The following RPS6KA2 variants were observed in gnomAD, a reference collection of about 807,000 sequenced individuals.
RPS6KA2 encodes the protein ribosomal protein S6 kinase alpha-2.
A neutral mutation model predicts 91.8 loss-of-function variants in RPS6KA2; 42 were observed. The ratio of observed to expected loss-of-function variants is 0.46; its 90% CI spans 0.36 to 0.59. The LOEUF is 0.59. Ranked by LOEUF, RPS6KA2 falls within the 20% of genes least tolerant of loss-of-function variation. RPS6KA2 has a pLI of 0.00. For missense variants in RPS6KA2, 798 were observed against 978.5 expected, an observed-to-expected ratio of 0.82 and a Z score of 2.46; for synonymous variants, 414 against 393.6, an observed-to-expected ratio of 1.05 and a Z score of -0.61.
At chr6:166,625,508 G>A (rs191500375) in intron 1 of RPS6KA2, among the ~76,000 whole-genome samples, 18 of 152,216 alleles carry the variant, frequency 1.2e-4, no homozygotes, top group Admixed American at 1.2e-3. Context: ...CCTGGAGTGT[G>A]CTCACACGTG....
chr6:166,858,073 G>A (rs745891617), intron 2 of RPS6KA2: 3 of 727,972 alleles, frequency 4.1e-6, no homozygotes, highest in East Asian at 2.5e-5. Flanking sequence ...TGTATGTATA[G>A]AGACACATAT....
At chr6:166,510,431 TA>T in intron 3 of RPS6KA2, 74 bp from the exon 4 acceptor site, 1 of 936,466 alleles carries the variant, frequency 1.1e-6, no homozygotes, top group Non-Finnish European at 1.6e-6. Context: ...CATGAAATAC[TA>T]GATATAATTC....
At chr6:166,815,591 G>C (rs1388410760) in intron 2 of RPS6KA2, among the ~76,000 whole-genome samples, 2 of 152,150 alleles carry the variant, frequency 1.3e-5, no homozygotes, top group African/African-American at 2.4e-5. Context: ...GATGTGCAAA[G>C]GAAAAATTCC....
At chr6:166,740,727 G>A (rs1427246555) in intron 2 of RPS6KA2, among the ~76,000 whole-genome samples, 3 of 152,206 alleles carry the variant, frequency 2.0e-5, no homozygotes, top group African/African-American at 7.2e-5. Flanking sequence ...TCAACAAAAA[G>A]ACAGTAACCC....
intron 10 of RPS6KA2, among the ~76,000 whole-genome samples, chr6:166,479,835 A>G (rs742111): frequency 0.3 from 45,621 of 151,868 alleles, 7,088 homozygotes; most frequent in East Asian, 0.54. Context: ...CTTGCTTCCA[A>G]AAACACAAAC....
At chr6:166,432,044 T>C (rs1280895008) in intron 15 of RPS6KA2, among the ~76,000 whole-genome samples, 1 of 152,202 alleles carries the variant, frequency 6.6e-6, no homozygotes, top group Non-Finnish European at 1.5e-5. Flanking sequence ...TTCATAATGC[T>C]AGAATCAGTT....
At chr6:166,762,708 C>A (rs1040809114) in intron 2 of RPS6KA2, among the ~76,000 whole-genome samples, 1 of 152,154 alleles carries the variant, frequency 6.6e-6, no homozygotes, top group African/African-American at 2.4e-5. Flanking sequence ...AAGAATAGCA[C>A]CTTCCCATCC....
At chr6:166,617,053 G>A (rs1232316494) in intron 1 of RPS6KA2, among the ~76,000 whole-genome samples, 4 of 152,234 alleles carry the variant, frequency 2.6e-5, no homozygotes, top group Admixed American at 6.5e-5. Flanking sequence ...CCGGGCGCCC[G>A]CTCCATCGTG....
At chr6:166,570,138 T>G (rs906794838) in intron 1 of RPS6KA2, among the ~76,000 whole-genome samples, 1 of 152,216 alleles carries the variant, frequency 6.6e-6, no homozygotes, top group Non-Finnish European at 1.5e-5. Context: ...AGAAGCCTAC[T>G]GAGTACCTGT....
chr6:166,598,762 G>A (rs906438366), intron 1 of RPS6KA2, among the ~76,000 whole-genome samples: 1 of 152,200 alleles, frequency 6.6e-6, no homozygotes. Context: ...AGATTTTGTG[G>A]CAGTCCAGGA....
intron 3 of RPS6KA2, among the ~76,000 whole-genome samples, chr6:166,511,275 G>A (rs1782472150): frequency 6.6e-6 from 1 of 152,162 alleles, no homozygotes; most frequent in African/African-American, 2.4e-5. Flanking sequence ...CCAATGGTGT[G>A]AGCATACATA....
chr6:166,498,317 A>C (rs1781870820), intron 8 of RPS6KA2, among the ~76,000 whole-genome samples, 191 bp downstream of exon 8: 1 of 152,176 alleles, frequency 6.6e-6, no homozygotes, highest in South Asian at 2.1e-4. Flanking sequence ...TCCCAGCCCC[A>C]CTTTCTGATG....
At position 166,627,132 on chromosome 6, in the gene RPS6KA2, G is replaced by T; in HGVS notation, c.-113C>A. ...CACGCGTGGCCAGGGAGCCCGGCACGGCGGCCATGGGCGCGGGGCGTGGGG... is the reference window on the plus strand; with the variant it reads ...CACGCGTGGCCAGGGAGCCCGGCACTGCGGCCATGGGCGCGGGGCGTGGGG... On this transcript the variant is annotated 5_prime_UTR_variant, in exon 1 of 21. Transcript: ENST00000265678. 1 of 1,144,726 alleles carries T rather than the reference G, an allele frequency of 8.7e-7. No homozygotes were observed. Among genetic ancestry groups the T allele is most frequent in the South Asian group, 4.4e-5 (1 of 22,838 alleles). 70.9% of individuals were successfully genotyped at this position (1,144,726 alleles called of 1,614,324 possible).
At chr6:166,689,415 A>G (rs920735428) in intron 2 of RPS6KA2, among the ~76,000 whole-genome samples, 1 of 152,254 alleles carries the variant, frequency 6.6e-6, no homozygotes, top group African/African-American at 2.4e-5. Context: ...CAAGGAAAAG[A>G]GTAGACATGA....
In RPS6KA2 at chr6:166,500,240, G is replaced by A. The variant is rs1781976828; in HGVS notation, c.604+647C>T. ...CACTTGGGGCCTCCTGACCTGTCAG[G>A]TGATAAGTTTGTGTGGTTTAAAGCC... On this transcript the variant is annotated intron_variant, in intron 7 of 20. Transcript: ENST00000265678. The surrounding 1 kb of genome is among the most constrained non-coding windows in gnomAD (Gnocchi z 4.3). 1.3e-5 allele frequency among the ~76,000 whole-genome samples: 2 copies of A among 152,256 alleles called. No individual in the cohort carries two copies. Among genetic ancestry groups the A allele is most frequent in the African/African-American group, 4.8e-5 (2 of 41,474 alleles).
In RPS6KA2 at chr6:166,639,707, C is replaced by CCTT. The variant is rs1433147983; in HGVS notation, c.124-100926_124-100924dup. On this transcript the variant is annotated intron_variant, in intron 2 of 21. Transcript: ENST00000503859. The surrounding 1 kb of genome is among the most constrained non-coding windows in gnomAD (Gnocchi z 4.2). The stretch of plus-strand genomic sequence containing the variant: ...TCATTCACGCAGTGGCCACGGCTGT[C>CCTT]CTTCCTGCCCGCTCTGCCTCTGCCC... 6.6e-6 allele frequency among the ~76,000 whole-genome samples: 1 copy of CCTT among 152,194 alleles called. No homozygotes were observed. The highest frequency in any genetic ancestry group is 1.5e-5 in the Non-Finnish European group (1 of 68,028).
chr6:166,612,973 G>A lies in RPS6KA2; in HGVS notation c.99+13948C>T, dbSNP rs1387991322. Among the ~76,000 whole-genome samples the A allele has an allele frequency of 6.6e-6, 1 of 152,156 alleles. No homozygotes were observed. The highest frequency in any genetic ancestry group is 1.5e-5 in the Non-Finnish European group (1 of 68,038). On this transcript the variant is annotated intron_variant, in intron 1 of 20. Coordinates refer to ENST00000265678, the MANE Select transcript of RPS6KA2 (RefSeq NM_021135.6). This position sits in a 1 kb window ranked among gnomAD's most constrained non-coding sequence, Gnocchi z 4.3. ...TATTGTTTAAAAGACAGATGCTTGAGCAGTGTTTCCCGGACCTCCCAGAGA... is the reference window on the plus strand; with the variant it reads ...TATTGTTTAAAAGACAGATGCTTGAACAGTGTTTCCCGGACCTCCCAGAGA...
rs769442125 is a variant in RPS6KA2, at chr6:166,732,235, G to A, written c.123+125965C>T. Among the ~76,000 whole-genome samples, 8 of 152,082 alleles carry A rather than the reference G, an allele frequency of 5.3e-5. No homozygotes were observed. The highest frequency in any genetic ancestry group is 3.3e-4 in the Admixed American group (5 of 15,274). On this transcript the variant is annotated intron_variant, in intron 2 of 21. Coordinates refer to the RPS6KA2 transcript ENST00000503859. This position sits in a 1 kb window ranked among gnomAD's most constrained non-coding sequence, Gnocchi z 4.0. The stretch of plus-strand genomic sequence containing the variant: ...ACCTGGCATCTGTTAAAGTCTTCCC[G>A]CACTTCTGTATAGCTTCATGATTCC...
intron 2 of RPS6KA2, among the ~76,000 whole-genome samples, chr6:166,792,381 A>G (rs867739868): frequency 6.9e-6 from 1 of 145,408 alleles, no homozygotes; most frequent in Non-Finnish European, 1.5e-5. Context: ...CAACCAAAAA[A>G]AGTCCAGGAC....
Sources: gnomAD v4.1 joint callset for allele counts (sites outside exome capture counted in the v4.1 genomes callset) on GRCh38, gnomAD v4.1.1 for gene constraint, Gnocchi (gnomAD v3.1) non-coding constraint, MANE v1.5 for transcripts, NCBI Gene and HGNC (gene_info 2026-07-23, HGNC 2026-07-21) for gene names.